C8orf34: variants seen among roughly 807,000 people sequenced by gnomAD.
C8orf34 encodes the protein uncharacterized protein C8orf34.
C8orf34 carries 65 observed loss-of-function variants against 68.3 expected under a neutral mutation model. The ratio of observed to expected loss-of-function variants is 0.95; its 90% CI spans 0.78 to 1.17. C8orf34 has a LOEUF of 1.17. C8orf34 is among the 50% of genes most tolerant of loss of function. C8orf34 has a pLI of 0.00. For synonymous variants in C8orf34, 244 were observed against 241.2 expected, an observed-to-expected ratio of 1.01 and a Z score of -0.11; for missense variants, 664 against 655.4, an observed-to-expected ratio of 1.01 and a Z score of -0.14.
rs1277508063 is a variant in C8orf34 at position 68,696,366 on chromosome 8, TA to T, written c.1242-12627del. On this transcript the variant is annotated intron_variant, in intron 8 of 13. Transcript: ENST00000518698. ...TTATATATTGATTATATATATAGATTATATAGAGAGATTATATATAACTAGA... is the reference window on the plus strand; with the variant it reads ...TTATATATTGATTATATATATAGATTTATAGAGAGATTATATATAACTAGA... 5.4e-5 allele frequency among the ~76,000 whole-genome samples: 8 copies of T among 148,922 alleles called. No individual in the cohort carries two copies. In the Admixed American group the frequency reaches 5.4e-4, roughly 10 times the overall value.
At chr8:68,690,185 T>C (rs373142282) in intron 8 of C8orf34, among the ~76,000 whole-genome samples, 1 of 152,010 alleles carries the variant, frequency 6.6e-6, no homozygotes, top group Non-Finnish European at 1.5e-5. Flanking sequence ...AGTGAAATAA[T>C]TATCCTGTTT....
intron 3 of C8orf34, among the ~76,000 whole-genome samples, chr8:68,465,246 A>G (rs1234446090): frequency 3.4e-4 from 51 of 151,760 alleles, no homozygotes; most frequent in African/African-American, 1.1e-3. Flanking sequence ...CAAAACTACA[A>G]TGAGATACCA....
intron 1 of C8orf34, among the ~76,000 whole-genome samples, chr8:68,417,923 T>C (rs886356711): frequency 6.6e-6 from 1 of 151,714 alleles, no homozygotes; most frequent in Admixed American, 6.6e-5. Context: ...TTCCTACCCA[T>C]GAGCATGGAA....
At chr8:68,414,536 T>G (rs1043674124) in intron 1 of C8orf34, among the ~76,000 whole-genome samples, 1 of 152,218 alleles carries the variant, frequency 6.6e-6, no homozygotes, top group African/African-American at 2.4e-5. Flanking sequence ...TTGACATAAT[T>G]TATTCATTCT....
At chr8:68,617,619 C>G (rs1473429415) in intron 7 of C8orf34, among the ~76,000 whole-genome samples, 1 of 152,212 alleles carries the variant, frequency 6.6e-6, no homozygotes, top group African/African-American at 2.4e-5. Context: ...GGCCCTCACT[C>G]TGTTCTGGCT....
At chr8:68,549,944 G>A (rs1303546811) in intron 7 of C8orf34, among the ~76,000 whole-genome samples, 1 of 151,654 alleles carries the variant, frequency 6.6e-6, no homozygotes, top group East Asian at 1.9e-4. Flanking sequence ...TGTTAGCATG[G>A]TATATCTTTC....
chr8:68,487,917 A>G, intron 4 of C8orf34, 106 bp from the exon 5 acceptor site: 1 of 684,022 alleles, frequency 1.5e-6, no homozygotes, highest in Non-Finnish European at 2.5e-6. Flanking sequence ...GAAAACAAAT[A>G]GAATAGGAAA....
chr8:68,495,902 T>C (rs4737912), intron 5 of C8orf34, among the ~76,000 whole-genome samples: 87,090 of 152,162 alleles, frequency 0.57, 26,380 homozygotes, highest in African/African-American at 0.78. Flanking sequence ...GTATAGCCCA[T>C]GCTAAGCTTT....
At chr8:68,771,341 C>T (rs1823329560) in intron 10 of C8orf34, among the ~76,000 whole-genome samples, 1 of 152,164 alleles carries the variant, frequency 6.6e-6, no homozygotes, top group South Asian at 2.1e-4. Flanking sequence ...CATCAACTAT[C>T]ATAAATGTGG....
At chr8:68,382,689 C>G (rs1247210589) in intron 1 of C8orf34, among the ~76,000 whole-genome samples, 1 of 152,144 alleles carries the variant, frequency 6.6e-6, no homozygotes, top group Non-Finnish European at 1.5e-5. Context: ...TCTTCTCAGT[C>G]TCCCTTAGGA....
At chr8:68,647,574 T>C (rs1298536270) in intron 8 of C8orf34, among the ~76,000 whole-genome samples, 2 of 152,100 alleles carry the variant, frequency 1.3e-5, no homozygotes, top group African/African-American at 2.4e-5. Context: ...ACTGAGGGAT[T>C]TGAGAGATAC....
intron 8 of C8orf34, among the ~76,000 whole-genome samples, chr8:68,650,477 C>CTTT (rs57112362): frequency 1.6e-4 from 19 of 120,810 alleles, no homozygotes; most frequent in South Asian, 2.6e-4. Flanking sequence ...CCACCCTAGT[C>CTTT]TTTTTTTTTT....
chr8:68,514,434 G>T (rs1432540674), intron 5 of C8orf34, among the ~76,000 whole-genome samples: 1 of 152,110 alleles, frequency 6.6e-6, no homozygotes, highest in Non-Finnish European at 1.5e-5. Flanking sequence ...AGGCAACCAG[G>T]GATCTGTCAA....
intron 8 of C8orf34, among the ~76,000 whole-genome samples, chr8:68,647,893 A>C (rs181697141): frequency 0.012 from 1,847 of 152,306 alleles, 11 homozygotes; most frequent in Non-Finnish European, 0.02. Flanking sequence ...GTGTGATTTA[A>C]ACAGAGAAAT....
chr8:68,394,195 G>C (rs1048887451), intron 1 of C8orf34, among the ~76,000 whole-genome samples: 2 of 150,706 alleles, frequency 1.3e-5, no homozygotes, highest in South Asian at 2.1e-4. Flanking sequence ...CCACTAACTC[G>C]TCATCTAACA....
chr8:68,394,797 G>A (rs1308239677), intron 1 of C8orf34, among the ~76,000 whole-genome samples: 1 of 151,772 alleles, frequency 6.6e-6, no homozygotes. Flanking sequence ...GTGATGGTGC[G>A]TTTCATTTAA....
chr8:68,804,965 G>A (rs1001039277), intron 12 of C8orf34, among the ~76,000 whole-genome samples: 1 of 152,164 alleles, frequency 6.6e-6, no homozygotes, highest in Non-Finnish European at 1.5e-5. Context: ...GAATTCTGTT[G>A]ATATAGACCA....
At chr8:68,726,420 T>G (rs1422241379) in intron 10 of C8orf34, among the ~76,000 whole-genome samples, 2 of 151,986 alleles carry the variant, frequency 1.3e-5, no homozygotes, top group African/African-American at 4.8e-5. Flanking sequence ...GGGAAACTAC[T>G]GAGAAAGAAA....
intron 10 of C8orf34, among the ~76,000 whole-genome samples, chr8:68,755,286 G>A (rs1822822649): frequency 6.6e-6 from 1 of 152,148 alleles, no homozygotes; most frequent in Non-Finnish European, 1.5e-5. Flanking sequence ...GTGTCTTCCT[G>A]ACACTGAAAA....
Sources: gnomAD v4.1 joint callset for allele counts (sites outside exome capture counted in the v4.1 genomes callset) on GRCh38, gnomAD v4.1.1 for gene constraint, MANE v1.5 for transcripts, NCBI Gene and HGNC (gene_info 2026-07-23, HGNC 2026-07-21) for gene names.